Variants in FOXO1 observed in about 807,000 individuals in gnomAD.
FOXO1 encodes forkhead box protein O1.
A neutral mutation model predicts 44.1 loss-of-function variants in FOXO1; 6 were observed. That is an observed-to-expected ratio of 0.14 (90% confidence interval 0.07 to 0.27). The LOEUF (loss-of-function observed/expected upper bound fraction) is 0.27, where lower values mean the gene tolerates loss of function less well. FOXO1 is among the 10% of genes least tolerant of loss of function. The probability of loss-of-function intolerance (pLI) is 1.00; values close to 1 mark genes in which losing one functional copy is unlikely to be tolerated. For missense variants in FOXO1, 737 were observed against 888.8 expected (o/e 0.83, Z 2.17); for synonymous variants, 380 against 362.7 (o/e 1.05, Z -0.54).
intron 1 of FOXO1, among the ~76,000 whole-genome samples, chr13:40,640,592 A>G (rs1877314351): frequency 6.6e-6 from 1 of 152,202 alleles, no homozygotes; most frequent in South Asian, 2.1e-4. Context: ...TAGAGACAGT[A>G]CCTAATGGGA....
At chr13:40,567,735 TGAG>T (rs1361574960) in intron 1 of FOXO1, among the ~76,000 whole-genome samples, 4 of 152,160 alleles carry the variant, frequency 2.6e-5, no homozygotes, top group Admixed American at 2.6e-4. Context: ...TTTGGGAGGC[TGAG>T]GAGGGCAGAT....
intron 1 of FOXO1, among the ~76,000 whole-genome samples, chr13:40,571,137 A>T (rs1054602361): frequency 6.6e-6 from 1 of 150,848 alleles, no homozygotes; most frequent in African/African-American, 2.4e-5. Context: ...CAGAGACTAA[A>T]TTTCATCTAG....
rs556968012 is a variant in FOXO1 at position 40,561,045 on chromosome 13, T to G, written c.631-185A>C. On this transcript the variant is annotated intron_variant, in intron 1 of 2. Transcript: ENST00000379561. ...TCTCAAATAGCACAGGAATAAATAG[T>G]ATCTTATCTTAAAAACAATATCTGT... 3.9e-5 allele frequency among the ~76,000 whole-genome samples: 6 copies of G among 152,244 alleles called. No individual in the cohort carries two copies. In the East Asian group the frequency reaches 1.2e-3, roughly 29 times the overall value.
intron 1 of FOXO1, among the ~76,000 whole-genome samples, chr13:40,640,454 C>T (rs1877310681): frequency 6.6e-6 from 1 of 152,182 alleles, no homozygotes; most frequent in Non-Finnish European, 1.5e-5. Flanking sequence ...CGCTCCTGGG[C>T]GCTATTCTGC....
At chr13:40,576,734 T>G (rs935702712) in intron 1 of FOXO1, among the ~76,000 whole-genome samples, 6 of 152,196 alleles carry the variant, frequency 3.9e-5, no homozygotes, top group Non-Finnish European at 5.9e-5. Flanking sequence ...TACGGCATAA[T>G]CTGATATTTT....
intron 1 of FOXO1, among the ~76,000 whole-genome samples, chr13:40,648,909 T>C (rs1431234595): frequency 6.6e-6 from 1 of 152,224 alleles, no homozygotes; most frequent in Non-Finnish European, 1.5e-5. Flanking sequence ...ACAATAAACA[T>C]GATCTAACAA....
intron 1 of FOXO1, among the ~76,000 whole-genome samples, chr13:40,659,561 A>G (rs1877972912): frequency 1.3e-5 from 2 of 152,232 alleles, no homozygotes; most frequent in Middle Eastern, 3.4e-3. Context: ...AAAATTCACT[A>G]AATTGTATGA....
chr13:40,601,522 A>G (rs1188192368), intron 1 of FOXO1, among the ~76,000 whole-genome samples: 1 of 152,206 alleles, frequency 6.6e-6, no homozygotes, highest in African/African-American at 2.4e-5. Context: ...TTTCTCTAAT[A>G]TTTTTAAATT....
At chr13:40,621,802 C>T (rs1876626152) in intron 1 of FOXO1, among the ~76,000 whole-genome samples, 1 of 152,036 alleles carries the variant, frequency 6.6e-6, no homozygotes, top group Admixed American at 6.5e-5. Context: ...GAGTATGTGG[C>T]TGAATGTGTG....
intron 1 of FOXO1, among the ~76,000 whole-genome samples, chr13:40,594,455 A>G (rs1399294330): frequency 1.3e-5 from 2 of 152,314 alleles, no homozygotes; most frequent in Admixed American, 1.3e-4. Context: ...CAAGGCCAGG[A>G]AGTGATGGGA....
At position 40,656,176 on chromosome 13, in the gene FOXO1, TC is replaced by T. The variant is rs1308066649; in HGVS notation, c.630+9406del. 4.6e-5 allele frequency among the ~76,000 whole-genome samples: 7 copies of T among 152,338 alleles called. No homozygotes were observed. In the East Asian group the frequency reaches 9.6e-4, roughly 21 times the overall value. The stretch of plus-strand genomic sequence containing the variant: ...AACCTCCTCTGGATCTATTGAAATA[TC>T]CCATTATAATCTTCATTCTTGCATT... On this transcript the variant is annotated intron_variant, in intron 1 of 2. Transcript: ENST00000379561.
At chr13:40,664,852 G>A (rs564665476) in intron 1 of FOXO1, among the ~76,000 whole-genome samples, 1 of 151,748 alleles carries the variant, frequency 6.6e-6, no homozygotes, top group African/African-American at 2.4e-5. Flanking sequence ...CGCCCCCGCC[G>A]AGGGTCACAC....
In FOXO1 at chr13:40,665,673, C is replaced by T. The variant is rs1259269999; in HGVS notation, c.540G>A (p.Arg180=). 2 of 1,542,082 alleles carry T rather than the reference C, an allele frequency of 1.3e-6. No individual in the cohort carries two copies. The highest frequency in any genetic ancestry group is 1.8e-6 in the Non-Finnish European group (2 of 1,139,200). ...ACTCGTAGATCTGCGACAGCGTGAG[C>T]CGCTTCTCCGCCGAGCTCTCGATGG... ...TKAIESSAEK[R]LTLSQIYEWM... is the part of the protein sequence containing the mutation. Residue 180 remains arginine, a synonymous_variant, in exon 1 of 3, where the codon CGG becomes CGA. Transcript: ENST00000379561.
At chr13:40,646,109 T>C (rs552016447) in intron 1 of FOXO1, among the ~76,000 whole-genome samples, 3 of 150,604 alleles carry the variant, frequency 2.0e-5, no homozygotes, top group Non-Finnish European at 4.4e-5. Flanking sequence ...ATTTAGTGAA[T>C]AATTGAGAAC....
intron 1 of FOXO1, among the ~76,000 whole-genome samples, chr13:40,603,103 G>T (rs1046003868): frequency 1.3e-5 from 2 of 152,070 alleles, no homozygotes; most frequent in Non-Finnish European, 2.9e-5. Context: ...GCTGCCAATG[G>T]TCCTTCAGGT....
chr13:40,661,339 G>A (rs1878030759), intron 1 of FOXO1, among the ~76,000 whole-genome samples: 1 of 151,706 alleles, frequency 6.6e-6, no homozygotes, highest in Admixed American at 6.6e-5. Flanking sequence ...TCAGTGACGT[G>A]ATCTCGGCTC....
chr13:40,612,505 G>A (rs1296774737), intron 1 of FOXO1, among the ~76,000 whole-genome samples: 11 of 152,202 alleles, frequency 7.2e-5, no homozygotes, highest in African/African-American at 1.4e-4. Context: ...ACACACGTGC[G>A]TTCGCAAGCA....
At position 40,560,899 on chromosome 13, in the gene FOXO1, T is replaced by C. The variant is rs768489407; in HGVS notation, c.631-39A>G. ...CATCTTATTAGAAGTACAATACTTCTCTGCTTGCAAAACTTCCTATTCTAC... is the reference window on the plus strand; with the variant it reads ...CATCTTATTAGAAGTACAATACTTCCCTGCTTGCAAAACTTCCTATTCTAC... On this transcript the variant is annotated intron_variant, in intron 1 of 2. Transcript: ENST00000379561. The surrounding 1 kb of genome is among the most constrained non-coding windows in gnomAD (Gnocchi z 5.1). 6.5e-7 allele frequency: 1 copy of C among 1,545,012 alleles called. No homozygotes were observed. Among genetic ancestry groups the C allele is most frequent in the Non-Finnish European group, 8.7e-7 (1 of 1,151,290 alleles).
chr13:40,643,114 G>C (rs1225370901), intron 1 of FOXO1, among the ~76,000 whole-genome samples: 1 of 152,118 alleles, frequency 6.6e-6, no homozygotes, highest in African/African-American at 2.4e-5. Flanking sequence ...GGCCAAAGCA[G>C]GTGGATCATT....
Sources: gnomAD v4.1 joint callset for allele counts (sites outside exome capture counted in the v4.1 genomes callset) on GRCh38, gnomAD v4.1.1 for gene constraint, Gnocchi (gnomAD v3.1) non-coding constraint, MANE v1.5 for transcripts, NCBI Gene and HGNC (gene_info 2026-07-23, HGNC 2026-07-21) for gene names.